Variants in ASPM observed in about 807,000 individuals in gnomAD.
ASPM encodes the protein assembly factor for spindle microtubules.
In ASPM, 256 loss-of-function variants were observed where a neutral mutation model predicts 366.4. That is an observed-to-expected ratio of 0.70 (90% confidence interval 0.63 to 0.77). The LOEUF (loss-of-function observed/expected upper bound fraction) is 0.77, where lower values mean the gene tolerates loss of function less well. Ranked by LOEUF, ASPM falls within the 30% of genes least tolerant of loss-of-function variation. ASPM has a pLI of 0.00. For missense variants in ASPM, 4,146 were observed against 4,090.4 expected, an observed-to-expected ratio of 1.01 and a Z score of -0.37; for synonymous variants, 1,414 against 1,342.9, an observed-to-expected ratio of 1.05 and a Z score of -1.16.
chr1:197,135,741 AG>A (rs1339813030), intron 4 of ASPM, among the ~76,000 whole-genome samples: 2 of 149,996 alleles, frequency 1.3e-5, no homozygotes, highest in Non-Finnish European at 2.9e-5. Flanking sequence ...GCTTGAGGCC[AG>A]GGGTTTGTAA....
intron 26 of ASPM, 130 bp from the exon 27 acceptor site, chr1:197,087,102 T>A: frequency 1.2e-6 from 1 of 813,220 alleles, no homozygotes; most frequent in South Asian, 1.8e-5. Context: ...AGATGGTCTC[T>A]CTTGCTCTGT....
At position 197,125,285 on chromosome 1, in the gene ASPM, A is replaced by T; in HGVS notation, c.2937-94T>A. 3 of 1,427,342 alleles carry T rather than the reference A, an allele frequency of 2.1e-6. No individual in the cohort carries two copies. In the South Asian group the frequency reaches 3.5e-5, roughly 17 times the overall value. 88.4% of individuals were successfully genotyped at this position (1,427,342 alleles called of 1,614,324 possible). A position where few individuals can be genotyped will look rare whatever the true frequency, so the allele number is the denominator to read the frequency against. On this transcript the variant is annotated intron_variant, in intron 10 of 27. Transcript: ENST00000367409. ...ATAGTTATTTCCCACATAAATCCCA[A>T]CAGTTACAGGGCTTTATGATCAGAA...
chr1:197,092,691 G>C (rs1045594496), intron 21 of ASPM, among the ~76,000 whole-genome samples: 4 of 151,966 alleles, frequency 2.6e-5, no homozygotes, highest in Admixed American at 1.3e-4. Flanking sequence ...AATGCTGGTT[G>C]CAACACCTCA....
At position 197,100,658 on chromosome 1, in the gene ASPM, T is replaced by A. The variant is rs761796588; in HGVS notation, c.8593A>T (p.Thr2865Ser). 2.5e-6 allele frequency: 4 copies of A among 1,612,198 alleles called. No homozygotes were observed. In the African/African-American group the frequency reaches 4.0e-5, roughly 16 times the overall value. ...CACGTCCTAAAATAATGCTGTAAAG[T>A]GATAGCAGCTCTTTTCTGCTGAACA... ...RFVQQKRAAI[T>S]LQHYFRTWQT... Residue 2865 changes from threonine (T) to serine (S), a missense_variant, in exon 18 of 28, where the codon ACT (threonine) becomes TCT (serine). Around this residue, in one of 3 missense-constraint regions of ASPM, gnomAD observed 3,624 missense variants for 3,591.7 expected, o/e 1.01. Coordinates refer to ENST00000367409, the MANE Select transcript of ASPM (RefSeq NM_018136.5).
intron 4 of ASPM, chr1:197,139,103 T>C: frequency 1.3e-6 from 1 of 767,150 alleles, no homozygotes. Flanking sequence ...TTTTGGTACC[T>C]ACAGCATTCA....
chr1:197,111,756 T>C (rs897419944), intron 17 of ASPM, among the ~76,000 whole-genome samples: 2 of 151,724 alleles, frequency 1.3e-5, no homozygotes, highest in African/African-American at 4.8e-5. Flanking sequence ...AACAATCATA[T>C]GGAAAAAGGT....
Position 197,102,188 on chromosome 1 carries a change from G to A in ASPM, c.7063C>T (p.Gln2355Ter), listed in dbSNP as rs1657213487. The A allele has an allele frequency of 6.2e-7, 1 of 1,612,756 alleles. No individual in the cohort carries two copies. The highest frequency in any genetic ancestry group is 8.5e-7 in the Non-Finnish European group (1 of 1,179,250). The change falls in exon 18 of 28, where the codon CAG becomes TAG. Residue 2355 changes from glutamine to a stop codon, truncating the protein, a stop_gained. Coordinates refer to ENST00000367409, the MANE Select transcript of ASPM (RefSeq NM_018136.5). LOFTEE classifies it high-confidence loss of function. ...FRMHRLHMRY[Q>*]ALKQASVVIQ... ...ACAACGGAGGCCTGTTTCAAAGCCT[G>A]ATATCTCATATGTAATCTGTGCATT...
intron 25 of ASPM, 75 bp from the exon 26 acceptor site, chr1:197,088,507 A>G (rs1656671043): frequency 7.0e-7 from 1 of 1,434,414 alleles, no homozygotes; most frequent in Non-Finnish European, 9.5e-7. Context: ...AAAAAAACAA[A>G]ATACAAAAGT....
rs112799950 is a variant in ASPM, at chr1:197,139,361, C to T, written c.2026+406G>A. Reference sequence around the variant, plus strand: ...CCTGAAATCCCAGCACCCTGGGAGGCGAGGGGAGGGATCACGAGGTCAGGA... The same window carrying T: ...CCTGAAATCCCAGCACCCTGGGAGGTGAGGGGAGGGATCACGAGGTCAGGA... On this transcript the variant is annotated intron_variant, in intron 4 of 27. Coordinates refer to ENST00000367409, the MANE Select transcript of ASPM (RefSeq NM_018136.5). The T allele has an allele frequency of 1.2e-3, 729 of 608,864 alleles. 8 individuals carry two copies. In the East Asian group the frequency reaches 0.018, roughly 15 times the overall value. The allele number at this position is 608,864 out of a possible 1,614,324, so 37.7% of individuals were successfully genotyped here. A position where few individuals can be genotyped will look rare whatever the true frequency, so the allele number is the denominator to read the frequency against.
intron 6 of ASPM, 151 bp from the exon 7 acceptor site, chr1:197,132,503 T>C (rs1448540729): frequency 1.1e-5 from 7 of 666,470 alleles, no homozygotes; most frequent in Admixed American, 2.8e-5. Context: ...GTCTTAAATA[T>C]ACATGATCAT....
Position 197,102,464 on chromosome 1 carries a change from G to A in ASPM, c.6787C>T (p.His2263Tyr). 6.2e-7 allele frequency: 1 copy of A among 1,612,456 alleles called. No individual in the cohort carries two copies. The highest frequency in any genetic ancestry group is 1.1e-5 in the South Asian group (1 of 91,054). The change falls in exon 18 of 28, where the codon CAT (histidine) becomes TAT (tyrosine). Residue 2263 changes from histidine to tyrosine, a missense_variant. His to Tyr is a moderately conservative substitution (Grantham distance 83). Around this residue, in one of 3 missense-constraint regions of ASPM, gnomAD observed 3,624 missense variants for 3,591.7 expected, o/e 1.01. Coordinates refer to ENST00000367409, the MANE Select transcript of ASPM (RefSeq NM_018136.5). ...KKARRHLKMM[H>Y]IAATLIQRRF... is the part of the protein sequence containing the mutation. ...CTCTGAATGAGAGTTGCGGCTATAT[G>A]CATCATTTTTAAATGTCTTCTAGCT... is the stretch of plus-strand genomic sequence containing the variant.
chr1:197,114,129 T>C (rs1178909132), intron 17 of ASPM, among the ~76,000 whole-genome samples: 1 of 152,230 alleles, frequency 6.6e-6, no homozygotes, highest in Non-Finnish European at 1.5e-5. Context: ...ACACAATTTT[T>C]TTGGTTTCCC....
At chr1:197,088,198 C>T (rs1315121673) in intron 26 of ASPM, 58 bp downstream of exon 26, 5 of 1,561,680 alleles carry the variant, frequency 3.2e-6, no homozygotes, top group Non-Finnish European at 4.4e-6. Flanking sequence ...CTATAAAAGT[C>T]ATAGACTTAA....
intron 20 of ASPM, 132 bp downstream of exon 20, chr1:197,093,952 G>A: frequency 1.7e-6 from 1 of 599,170 alleles, no homozygotes; most frequent in South Asian, 2.2e-5. Flanking sequence ...TGAAATAAAT[G>A]CATACTTAGG....
At chr1:197,124,805 A>T in intron 12 of ASPM, 65 bp downstream of exon 12, 1 of 1,298,016 alleles carries the variant, frequency 7.7e-7, no homozygotes, top group South Asian at 1.2e-5. Context: ...ATTAGATTCA[A>T]ATTGTTTTTA....
Position 197,104,064 on chromosome 1 carries a change from C to T in ASPM, c.5187G>A (p.Arg1729=), listed in dbSNP as rs1169389951. 1 of 1,612,906 alleles carries T rather than the reference C, an allele frequency of 6.2e-7. No homozygotes were observed. The highest frequency in any genetic ancestry group is 1.1e-5 in the South Asian group (1 of 91,052). The change falls in exon 18 of 28, where the codon CGG becomes CGA. Residue 1729 remains arginine (R), a synonymous_variant. Transcript: ENST00000367409. The part of the protein sequence containing the change: ...AQKREEYMQM[R]ESCIKLQAFV... ...ATGCTTGCAGTTTGATACAAGATTC[C>T]CGCATCTGCATATACTCTTCTCTCT...
At chr1:197,133,209 T>G in intron 6 of ASPM, 141 bp downstream of exon 6, 1 of 786,078 alleles carries the variant, frequency 1.3e-6, no homozygotes, top group Non-Finnish European at 2.0e-6. Flanking sequence ...AATATATACA[T>G]ATATCAACAT....
In ASPM at chr1:197,103,191, T is replaced by A; in HGVS notation, c.6060A>T (p.Thr2020=). The change falls in exon 18 of 28, where the codon ACA becomes ACT. Residue 2020 remains threonine (T), a synonymous_variant. Transcript: ENST00000367409. ...ACTGTAAAGTTACTACAGCTGCTTT[T>A]GTTTTCAAATATAAATGATTCTGTT... The part of the protein sequence containing the change: ...GREQNHLYLK[T]KAAVVTLQSA... 2 of 1,612,718 alleles carry A rather than the reference T, an allele frequency of 1.2e-6. No individual in the cohort carries two copies. The highest frequency in any genetic ancestry group is 1.7e-6 in the Non-Finnish European group (2 of 1,179,378).
At chr1:197,118,072 A>G in intron 16 of ASPM, 89 bp from the exon 17 acceptor site, 1 of 1,212,260 alleles carries the variant, frequency 8.2e-7, no homozygotes, top group Non-Finnish European at 1.2e-6. Flanking sequence ...TTAAACACCA[A>G]TCAAATTGAT....
Sources: gnomAD v4.1 joint callset for allele counts (sites outside exome capture counted in the v4.1 genomes callset) on GRCh38, gnomAD v4.1.1 for gene constraint, gnomAD v4.1.1 regional missense constraint, MANE v1.5 for transcripts, NCBI Gene and HGNC (gene_info 2026-07-23, HGNC 2026-07-21) for gene names.